Variants in RAP1GAP2 observed in about 807,000 individuals in gnomAD.
The protein encoded by RAP1GAP2 is RAP1 GTPase activating protein 2.
Under a neutral mutation model 95.0 loss-of-function variants are expected in RAP1GAP2, and 27 were observed. The observed-to-expected ratio is 0.28, with a 90% CI of 0.21 to 0.39. The LOEUF (loss-of-function observed/expected upper bound fraction) is 0.39. Among genes scored for constraint, RAP1GAP2 ranks in the 10% least tolerant of loss-of-function variants. The pLI is 1.00. For synonymous variants in RAP1GAP2, 373 were observed against 380.9 expected (o/e 0.98, Z 0.24); for missense variants, 771 against 970.0 (o/e 0.79, Z 2.72).
chr17:2,965,635 C>A lies in RAP1GAP2; in HGVS notation c.588C>A (p.Val196=). 6.2e-7 allele frequency: 1 copy of A among 1,606,156 alleles called. No individual in the cohort carries two copies. Among genetic ancestry groups the A allele is most frequent in the Non-Finnish European group, 8.5e-7 (1 of 1,175,964 alleles). ...EEAEGIEYLR[V]ILRSKLKTVH... Reference sequence around the variant, plus strand: ...CAGAGGGGATCGAGTACCTCCGGGTCATCCTTAGGTAGGGCTGTTGCGCTG... The same window carrying A: ...CAGAGGGGATCGAGTACCTCCGGGTAATCCTTAGGTAGGGCTGTTGCGCTG... Residue 196 remains valine (V), a synonymous_variant, in exon 8 of 25, where the codon GTC becomes GTA. Coordinates refer to ENST00000254695, the MANE Select transcript of RAP1GAP2 (RefSeq NM_015085.5). This position sits in a 1 kb window ranked among gnomAD's most constrained non-coding sequence, Gnocchi z 4.7.
At chr17:3,012,274 A>C (rs1334193644) in intron 17 of RAP1GAP2, among the ~76,000 whole-genome samples, 2 of 152,020 alleles carry the variant, frequency 1.3e-5, no homozygotes, top group Non-Finnish European at 2.9e-5. Context: ...AACACTTCTA[A>C]AGTTTGCATT....
upstream of RAP1GAP2, among the ~76,000 whole-genome samples, chr17:2,774,444 G>A (rs1216907114): frequency 6.6e-6 from 1 of 150,604 alleles, no homozygotes; most frequent in African/African-American, 2.4e-5. Flanking sequence ...GCTGCTGATA[G>A]GACTATGGGA....
intron 2 of RAP1GAP2, among the ~76,000 whole-genome samples, chr17:2,834,284 T>G (rs1223717285): frequency 6.6e-6 from 1 of 152,200 alleles, no homozygotes; most frequent in Non-Finnish European, 1.5e-5. Flanking sequence ...AGCCACAGCT[T>G]AAAGCTCAAA....
rs1252175472 is a variant in RAP1GAP2 at position 2,947,294 on chromosome 17, A to C, written c.166-10465A>C. Reference sequence around the variant, plus strand: ...TGGGGGGAGACTTGGTTGGAACAGGACCTGATTCTGGAGGACGGTTCATTA... The same window carrying C: ...TGGGGGGAGACTTGGTTGGAACAGGCCCTGATTCTGGAGGACGGTTCATTA... On this transcript the variant is annotated intron_variant, in intron 3 of 24. Transcript: ENST00000254695. 3.9e-5 allele frequency among the ~76,000 whole-genome samples: 6 copies of C among 152,036 alleles called. No individual in the cohort carries two copies. The South Asian group carries it at 8.3e-4, about 21-fold the overall frequency.
chr17:2,813,833 C>T (rs9893886), intron 2 of RAP1GAP2, among the ~76,000 whole-genome samples: 30,765 of 151,870 alleles, frequency 0.2, 3,670 homozygotes, highest in African/African-American at 0.33. Flanking sequence ...CATGGTGGCA[C>T]GTGCCTGTAA....
chr17:2,900,761 C>T (rs957563566), intron 2 of RAP1GAP2, among the ~76,000 whole-genome samples: 10 of 152,174 alleles, frequency 6.6e-5, no homozygotes, highest in African/African-American at 2.4e-4. Context: ...ATTTTTAACT[C>T]CTTGGTACTT....
chr17:3,012,156 T>C (rs2046569838), intron 17 of RAP1GAP2, among the ~76,000 whole-genome samples: 1 of 152,166 alleles, frequency 6.6e-6, no homozygotes, highest in South Asian at 2.1e-4. Context: ...CCAGCTGTAA[T>C]GGAAGCGTTT....
At chr17:2,920,672 G>C (rs564671944) in intron 3 of RAP1GAP2, among the ~76,000 whole-genome samples, 3 of 152,360 alleles carry the variant, frequency 2.0e-5, no homozygotes, top group East Asian at 3.9e-4. Flanking sequence ...CGAGGGCTTC[G>C]TCAAGTGCCA....
At chr17:3,018,503 G>A (rs929938324) in intron 18 of RAP1GAP2, among the ~76,000 whole-genome samples, 2 of 152,158 alleles carry the variant, frequency 1.3e-5, no homozygotes, top group Non-Finnish European at 2.9e-5. Flanking sequence ...CTGCAGTGTG[G>A]TCCTGGGGTG....
chr17:3,002,018 A>G (rs1284188916), intron 14 of RAP1GAP2, among the ~76,000 whole-genome samples: 1 of 147,004 alleles, frequency 6.8e-6, no homozygotes. Flanking sequence ...GCTAGAGTGC[A>G]GTGGTGTGAT....
At chr17:2,795,429 C>G (rs540973580), upstream of RAP1GAP2, among the ~76,000 whole-genome samples, 2 of 152,312 alleles carry the variant, frequency 1.3e-5, no homozygotes, top group African/African-American at 4.8e-5. Flanking sequence ...GACACGCTAG[C>G]CCTGTGGCAT....
At chr17:3,013,632 C>CTTTTTTTTTTT (rs998163717) in intron 17 of RAP1GAP2, among the ~76,000 whole-genome samples, 12 of 78,852 alleles carry the variant, frequency 1.5e-4, no homozygotes, top group East Asian at 1.1e-3. Context: ...CTTTTCTTTT[C>CTTTTTTTTTTT]TTTTTTTTTT....
intron 12 of RAP1GAP2, among the ~76,000 whole-genome samples, chr17:2,991,635 G>T (rs2045756801): frequency 6.6e-6 from 1 of 152,192 alleles, no homozygotes; most frequent in East Asian, 1.9e-4. Context: ...CCCCAGATGT[G>T]CCTTCCTACT....
chr17:2,894,606 C>T (rs547694311), intron 2 of RAP1GAP2, among the ~76,000 whole-genome samples: 2 of 152,074 alleles, frequency 1.3e-5, no homozygotes, highest in African/African-American at 2.4e-5. Flanking sequence ...GCTTGCCGTG[C>T]GTCCAGAAAG....
chr17:2,949,251 A>C (rs1405810784), intron 3 of RAP1GAP2, among the ~76,000 whole-genome samples: 1 of 152,180 alleles, frequency 6.6e-6, no homozygotes, highest in African/African-American at 2.4e-5. Context: ...AATACATTAG[A>C]CAGCTGCATG....
At chr17:2,851,080 GAAAA>G (rs1296346989) in intron 2 of RAP1GAP2, among the ~76,000 whole-genome samples, 1 of 150,972 alleles carries the variant, frequency 6.6e-6, no homozygotes, top group African/African-American at 2.4e-5. Flanking sequence ...AAAAAAAAGT[GAAAA>G]AGTAAGTTGA....
intron 1 of RAP1GAP2, among the ~76,000 whole-genome samples, chr17:2,789,030 G>A (rs758706179): frequency 6.6e-6 from 1 of 152,102 alleles, no homozygotes; most frequent in Non-Finnish European, 1.5e-5. Context: ...TTAATGGGAC[G>A]CCCGTTTCCT....
At chr17:2,937,444 G>A (rs1418268626) in intron 3 of RAP1GAP2, among the ~76,000 whole-genome samples, 1 of 152,148 alleles carries the variant, frequency 6.6e-6, no homozygotes, top group African/African-American at 2.4e-5. Context: ...CTGAGGCTGG[G>A]GCTGCAGGAA....
intron 2 of RAP1GAP2, among the ~76,000 whole-genome samples, chr17:2,803,363 G>T (rs1016981057): frequency 6.6e-5 from 10 of 152,196 alleles, no homozygotes; most frequent in Non-Finnish European, 1.3e-4. Context: ...GCAAAAGATG[G>T]AATTTATGGG....
Sources: allele counts gnomAD v4.1 joint callset (sites outside exome capture counted in the v4.1 genomes callset), GRCh38; gene constraint gnomAD v4.1.1; non-coding constraint Gnocchi (gnomAD v3.1); transcripts MANE v1.5; gene names NCBI Gene and HGNC (gene_info 2026-07-23, HGNC 2026-07-21).